CTNNA2: variants seen among roughly 807,000 people sequenced by gnomAD.
CTNNA2 encodes the protein catenin alpha-2.
CTNNA2 carries 42 observed loss-of-function variants against 101.0 expected under a neutral mutation model. The ratio of observed to expected loss-of-function variants is 0.42; its 90% CI spans 0.32 to 0.54. The LOEUF is 0.54. CTNNA2 is among the 20% of genes least tolerant of loss of function. The pLI, the probability that CTNNA2 is intolerant of heterozygous loss-of-function variation, is 0.14. For synonymous variants in CTNNA2, 450 were observed against 456.4 expected, an observed-to-expected ratio of 0.99 and a Z score of 0.18; for missense variants, 871 against 1,223.1, an observed-to-expected ratio of 0.71 and a Z score of 4.29.
chr2:79,188,750 G>T (rs2104155170), intron 1 of CTNNA2, among the ~76,000 whole-genome samples: 1 of 152,284 alleles, frequency 6.6e-6, no homozygotes, highest in Admixed American at 6.5e-5. Context: ...ACAAATATGA[G>T]GATAGAGGAA....
At chr2:80,550,427 T>C (rs540650246) in intron 11 of CTNNA2, among the ~76,000 whole-genome samples, 1 of 152,284 alleles carries the variant, frequency 6.6e-6, no homozygotes, top group South Asian at 2.1e-4. Flanking sequence ...GTTTGATGCG[T>C]TGATTGACTA....
rs574146867 is a variant in CTNNA2, at chr2:79,266,272, G to T, written c.-405-46437G>T. Among the ~76,000 whole-genome samples, 4 of 152,200 alleles carry T rather than the reference G, an allele frequency of 2.6e-5. No homozygotes were observed. The South Asian group carries it at 8.3e-4, about 32-fold the overall frequency. ...GGAAAATTAACATTCCTTAGGATCA[G>T]CTCCCAAGCAGTGACTTCTGGGATC... On this transcript the variant is annotated intron_variant, in intron 2 of 21. Coordinates refer to the CTNNA2 transcript ENST00000466387.
At chr2:79,470,260 C>G (rs1305488918) in intron 4 of CTNNA2, among the ~76,000 whole-genome samples, 3 of 152,170 alleles carry the variant, frequency 2.0e-5, no homozygotes, top group East Asian at 3.9e-4. Flanking sequence ...CTCAGCTACT[C>G]AGGAGGCTTA....
intron 3 of CTNNA2, among the ~76,000 whole-genome samples, chr2:79,818,737 T>C (rs1677732271): frequency 6.6e-6 from 1 of 150,780 alleles, no homozygotes. Flanking sequence ...TTATGCAAAG[T>C]TTTTTTCTGT....
At chr2:80,047,585 G>A (rs1398944241) in intron 7 of CTNNA2, among the ~76,000 whole-genome samples, 1 of 152,140 alleles carries the variant, frequency 6.6e-6, no homozygotes, top group Non-Finnish European at 1.5e-5. Flanking sequence ...CAGGAAGAGA[G>A]CAGCCTACAT....
At chr2:79,416,257 C>CTT (rs66830925) in intron 4 of CTNNA2, among the ~76,000 whole-genome samples, 67 of 94,582 alleles carry the variant, frequency 7.1e-4, no homozygotes, top group East Asian at 2.4e-3. Flanking sequence ...CTTTCCTTTT[C>CTT]TTTTTTTTTT....
chr2:80,170,785 A>C (rs931488328), intron 7 of CTNNA2, among the ~76,000 whole-genome samples: 1 of 152,212 alleles, frequency 6.6e-6, no homozygotes, highest in Non-Finnish European at 1.5e-5. Context: ...TGAATGAACA[A>C]ATGAATGAAT....
At chr2:79,344,274 A>G in intron 3 of CTNNA2, among the ~76,000 whole-genome samples, 1 of 152,146 alleles carries the variant, frequency 6.6e-6, no homozygotes, top group East Asian at 1.9e-4. Flanking sequence ...ATGCTTCTGG[A>G]ATCCATTTTT....
At chr2:79,999,668 C>T (rs1692800212) in intron 7 of CTNNA2, among the ~76,000 whole-genome samples, 1 of 152,202 alleles carries the variant, frequency 6.6e-6, no homozygotes, top group African/African-American at 2.4e-5. Flanking sequence ...TCCATTCATC[C>T]ATCCAACCAT....
intron 4 of CTNNA2, among the ~76,000 whole-genome samples, chr2:79,445,604 C>A (rs1413618411): frequency 2.0e-5 from 3 of 152,064 alleles, no homozygotes; most frequent in East Asian, 3.9e-4. Flanking sequence ...TCAGTTTTGA[C>A]CTAATCACCT....
At chr2:80,337,520 G>C (rs966690566) in intron 7 of CTNNA2, among the ~76,000 whole-genome samples, 6 of 139,512 alleles carry the variant, frequency 4.3e-5, no homozygotes, top group African/African-American at 1.6e-4. Flanking sequence ...AGCTAGAGCA[G>C]TTTTGAGAGG....
At chr2:79,492,313 C>T (rs1355362781) in intron 4 of CTNNA2, among the ~76,000 whole-genome samples, 6 of 151,484 alleles carry the variant, frequency 4.0e-5, no homozygotes, top group Non-Finnish European at 7.4e-5. Flanking sequence ...TGTTGGATCA[C>T]CTAAAAGAAT....
chr2:79,244,511 G>A (rs1382919172), intron 2 of CTNNA2, among the ~76,000 whole-genome samples: 1 of 152,168 alleles, frequency 6.6e-6, no homozygotes, highest in Non-Finnish European at 1.5e-5. Context: ...AATTCATGCT[G>A]AGGATGTTTG....
chr2:79,516,512 A>G (rs1190684353), intron 1 of CTNNA2, among the ~76,000 whole-genome samples: 2 of 152,170 alleles, frequency 1.3e-5, no homozygotes, highest in Non-Finnish European at 2.9e-5. Context: ...AACATTAGAG[A>G]GACTATTTAC....
At chr2:80,105,491 T>G (rs1700825228) in intron 7 of CTNNA2, among the ~76,000 whole-genome samples, 1 of 152,162 alleles carries the variant, frequency 6.6e-6, no homozygotes, top group Admixed American at 6.5e-5. Context: ...TGAGAGGCTG[T>G]GGCAGAAGGA....
chr2:79,667,714 C>G (rs1682518204), intron 2 of CTNNA2, among the ~76,000 whole-genome samples: 2 of 152,252 alleles, frequency 1.3e-5, no homozygotes, highest in South Asian at 4.2e-4. Flanking sequence ...ATAGCAGGTT[C>G]TTTTATTACT....
At chr2:79,747,320 G>A (rs1671713734) in intron 3 of CTNNA2, among the ~76,000 whole-genome samples, 12 of 152,112 alleles carry the variant, frequency 7.9e-5, no homozygotes, top group Admixed American at 7.9e-4. Flanking sequence ...TGCATCTATA[G>A]CCTGGATAGT....
At chr2:79,357,727 A>G (rs997097778) in intron 3 of CTNNA2, among the ~76,000 whole-genome samples, 1 of 152,372 alleles carries the variant, frequency 6.6e-6, no homozygotes, top group Non-Finnish European at 1.5e-5. Flanking sequence ...TCTTAAAAGC[A>G]GCCAAGGGAA....
At chr2:80,009,457 G>A (rs1266805465) in intron 7 of CTNNA2, among the ~76,000 whole-genome samples, 1 of 152,084 alleles carries the variant, frequency 6.6e-6, no homozygotes, top group Non-Finnish European at 1.5e-5. Context: ...CTAAAATATT[G>A]CTGCCTGAAG....
Sources: gnomAD v4.1 joint callset for allele counts (sites outside exome capture counted in the v4.1 genomes callset) on GRCh38, gnomAD v4.1.1 for gene constraint, MANE v1.5 for transcripts, NCBI Gene and HGNC (gene_info 2026-07-23, HGNC 2026-07-21) for gene names.